The following ASAP1 variants were observed in gnomAD, a reference collection of about 807,000 sequenced individuals.
The protein encoded by ASAP1 is arf-GAP with SH3 domain, ANK repeat and PH domain-containing protein 1.
In ASAP1, 43 loss-of-function variants were observed where a neutral mutation model predicts 145.2. The observed-to-expected ratio is 0.30, with a 90% CI of 0.23 to 0.38. The LOEUF is 0.38. ASAP1 is among the 10% of genes least tolerant of loss of function. ASAP1 has a pLI of 1.00. For synonymous variants in ASAP1, 546 were observed against 515.5 expected (o/e 1.06, Z -0.80); for missense variants, 1,018 against 1,355.3 (o/e 0.75, Z 3.91).
rs1830574720 is a variant in ASAP1, at chr8:130,443,646, G to C, written c.-214C>G. On this transcript the variant is annotated 5_prime_UTR_variant, in exon 1 of 30. Transcript: ENST00000518721. ...GCCAGGCGAGGCGCGGGAGCCGAGC[G>C]CGGCGCAGGAAGGGGCGGGCGACCA... is the stretch of plus-strand genomic sequence containing the variant. 1 of 151,826 alleles carries C rather than the reference G, an allele frequency of 6.6e-6. No homozygotes were observed. The allele number at this position is 151,826 out of a possible 1,614,324, so 9.4% of individuals were successfully genotyped here.
chr8:130,090,805 A>G (rs2097503928), intron 25 of ASAP1, among the ~76,000 whole-genome samples: 1 of 152,202 alleles, frequency 6.6e-6, no homozygotes, highest in African/African-American at 2.4e-5. Flanking sequence ...TTGCACACAC[A>G]TAACCCGGGG....
At chr8:130,277,909 G>A (rs779614986) in intron 3 of ASAP1, among the ~76,000 whole-genome samples, 3 of 152,158 alleles carry the variant, frequency 2.0e-5, no homozygotes, top group African/African-American at 4.8e-5. Context: ...GTAGAGAGTG[G>A]CAGGGAGCCT....
At chr8:130,390,975 T>C (rs1472943280) in intron 2 of ASAP1, among the ~76,000 whole-genome samples, 1 of 150,076 alleles carries the variant, frequency 6.7e-6, no homozygotes, top group East Asian at 1.9e-4. Flanking sequence ...TGGAGCTATT[T>C]GTATACCCAT....
At chr8:130,270,532 CATTTTGCTCAT>C (rs1489343247) in intron 3 of ASAP1, among the ~76,000 whole-genome samples, 2 of 152,198 alleles carry the variant, frequency 1.3e-5, no homozygotes, top group Non-Finnish European at 2.9e-5. Flanking sequence ...CAAAGCTTTT[CATTTTGCTCAT>C]ATTTTGCTCT....
intron 3 of ASAP1, among the ~76,000 whole-genome samples, chr8:130,311,090 G>A (rs974111816): frequency 3.3e-5 from 5 of 152,222 alleles, no homozygotes; most frequent in African/African-American, 9.6e-5. Context: ...AGGGCAGGTT[G>A]TCAGAAATGT....
chr8:130,079,439 A>G (rs1344509297), intron 26 of ASAP1, among the ~76,000 whole-genome samples: 2 of 152,220 alleles, frequency 1.3e-5, no homozygotes, highest in South Asian at 2.1e-4. Flanking sequence ...AAAAAATATT[A>G]GAAACAGAAC....
chr8:130,178,000 C>G (rs1031776204), intron 9 of ASAP1, among the ~76,000 whole-genome samples: 1 of 152,270 alleles, frequency 6.6e-6, no homozygotes, highest in Middle Eastern at 3.4e-3. Flanking sequence ...AGTTAACCAG[C>G]TGCAGAGCCA....
chr8:130,390,742 A>T lies in ASAP1; in HGVS notation c.59+11143T>A, dbSNP rs868049808. Among the ~76,000 whole-genome samples the T allele has an allele frequency of 6.6e-5, 10 of 152,254 alleles. No homozygotes were observed. In the South Asian group the frequency reaches 1.2e-3, roughly 19 times the overall value. On this transcript the variant is annotated intron_variant, in intron 2 of 29. Coordinates refer to ENST00000518721, the MANE Select transcript of ASAP1 (RefSeq NM_018482.4). ...CCAGTTACAAGCATTCATACCTACT[A>T]GGATGGCTACTATCACAAAAACAGA...
chr8:130,419,743 T>TC (rs1829638307), intron 1 of ASAP1, among the ~76,000 whole-genome samples: 1 of 152,190 alleles, frequency 6.6e-6, no homozygotes, highest in Non-Finnish European at 1.5e-5. Flanking sequence ...TCCGATCTCT[T>TC]CCCTGGGGCT....
Position 130,379,633 on chromosome 8 carries a change from TG to T in ASAP1, c.60-21491del, listed in dbSNP as rs148885845. Among the ~76,000 whole-genome samples, 1,179 of 152,260 alleles carry T rather than the reference TG, an allele frequency of 7.7e-3. 18 individuals carry two copies. The highest frequency in any genetic ancestry group is 0.027 in the African/African-American group (1,124 of 41,522). On this transcript the variant is annotated intron_variant, in intron 2 of 29. Transcript: ENST00000518721. ...CGGGTAGGAAAATTGGAGAATTGCT[TG>T]GTATAGAGAAAACCCCAAACATTTG...
At chr8:130,179,793 A>C (rs936624431) in intron 8 of ASAP1, among the ~76,000 whole-genome samples, 1 of 152,172 alleles carries the variant, frequency 6.6e-6, no homozygotes, top group Non-Finnish European at 1.5e-5. Context: ...AAAATTAAAG[A>C]ATAAAAGTAA....
At chr8:130,112,536 C>T in intron 23 of ASAP1, 1 of 494,526 alleles carries the variant, frequency 2.0e-6, no homozygotes, top group Non-Finnish European at 3.6e-6. Context: ...TGAATAATCA[C>T]ACTAGTGAAA....
At chr8:130,419,234 C>T (rs1370335447) in intron 1 of ASAP1, among the ~76,000 whole-genome samples, 1 of 152,224 alleles carries the variant, frequency 6.6e-6, no homozygotes, top group Non-Finnish European at 1.5e-5. Flanking sequence ...CTGATTTCAA[C>T]TGGGATCTCC....
intron 3 of ASAP1, among the ~76,000 whole-genome samples, chr8:130,337,874 T>C (rs1825133171): frequency 6.6e-6 from 1 of 152,242 alleles, no homozygotes; most frequent in Non-Finnish European, 1.5e-5. Flanking sequence ...TATAAAATAG[T>C]GACAGCCAGT....
rs2097417664 is a variant in ASAP1, at chr8:130,060,786, C to T, written c.2985G>A (p.Leu995=). The T allele has an allele frequency of 1.9e-6, 3 of 1,614,036 alleles. No individual in the cohort carries two copies. Among genetic ancestry groups the T allele is most frequent in the Non-Finnish European group, 2.5e-6 (3 of 1,180,006 alleles). The change falls in exon 28 of 30, where the codon CTG becomes CTA. Residue 995 remains leucine, a synonymous_variant. Transcript: ENST00000518721. The stretch of plus-strand genomic sequence containing the variant: ...TCTGGGATTTTGCTAGCAGGTCTCC[C>T]AGCTGTGGTTTGGGGGGCAGGTCCT... ...QMKDLPPKPQ[L]GDLLAKSQTG... is the part of the protein sequence containing the mutation.
intron 4 of ASAP1, among the ~76,000 whole-genome samples, chr8:130,215,133 CT>C (rs1269738915): frequency 2.0e-5 from 3 of 152,068 alleles, no homozygotes; most frequent in African/African-American, 7.2e-5. Flanking sequence ...AACTCCTGAC[CT>C]TGTGATCCGC....
chr8:130,196,340 CT>C (rs1345598837), intron 5 of ASAP1, among the ~76,000 whole-genome samples: 1 of 137,300 alleles, frequency 7.3e-6, no homozygotes, highest in Non-Finnish European at 1.6e-5. Flanking sequence ...GAAACTCCAT[CT>C]CAAAAAAAAA....
chr8:130,291,221 G>A (rs1299425783), intron 3 of ASAP1, among the ~76,000 whole-genome samples: 4 of 152,124 alleles, frequency 2.6e-5, no homozygotes, highest in East Asian at 1.9e-4. Context: ...TCCTAGTGTC[G>A]AAAAATCTCA....
chr8:130,236,498 C>T (rs970601429), intron 4 of ASAP1, among the ~76,000 whole-genome samples: 7 of 151,902 alleles, frequency 4.6e-5, no homozygotes, highest in African/African-American at 1.5e-4. Flanking sequence ...TAACTTTGCC[C>T]CCTCCTCTCT....
Sources: allele counts gnomAD v4.1 joint callset (sites outside exome capture counted in the v4.1 genomes callset), GRCh38; gene constraint gnomAD v4.1.1; transcripts MANE v1.5; gene names NCBI Gene and HGNC (gene_info 2026-07-23, HGNC 2026-07-21).